The following VRK2 variants were observed in gnomAD, a reference collection of about 807,000 sequenced individuals.
The protein encoded by VRK2 is serine/threonine-protein kinase VRK2.
Under a neutral mutation model 57.6 loss-of-function variants are expected in VRK2, and 60 were observed. The observed-to-expected ratio is 1.04, with a 90% CI of 0.85 to 1.29. The LOEUF (loss-of-function observed/expected upper bound fraction) is 1.29, where lower values mean the gene tolerates loss of function less well. Among genes scored for constraint, VRK2 ranks in the 50% most tolerant of loss-of-function variants. VRK2 has a pLI of 0.00. For missense variants in VRK2, 705 were observed against 588.1 expected, an observed-to-expected ratio of 1.20 and a Z score of -2.06; for synonymous variants, 231 against 199.2, an observed-to-expected ratio of 1.16 and a Z score of -1.35.
intron 1 of VRK2, among the ~76,000 whole-genome samples, chr2:57,980,661 T>C (rs77748801): frequency 0.016 from 2,396 of 152,246 alleles, 64 homozygotes; most frequent in African/African-American, 0.055. Context: ...TATTGTGTGG[T>C]TATGTGTCTC....
At chr2:58,053,336 C>A (rs1375420490) in intron 2 of VRK2, among the ~76,000 whole-genome samples, 1 of 152,104 alleles carries the variant, frequency 6.6e-6, no homozygotes, top group Non-Finnish European at 1.5e-5. Context: ...TGTGGTGAAG[C>A]CTGAAAATCA....
chr2:58,099,149 TATATC>T (rs1673583377), intron 7 of VRK2, among the ~76,000 whole-genome samples: 1 of 152,082 alleles, frequency 6.6e-6, no homozygotes, highest in Non-Finnish European at 1.5e-5. Flanking sequence ...CCCACTTGCC[TATATC>T]TCCCAGTGTC....
At chr2:57,922,125 T>C (rs1479480429) in intron 1 of VRK2, among the ~76,000 whole-genome samples, 1 of 152,002 alleles carries the variant, frequency 6.6e-6, no homozygotes, top group Non-Finnish European at 1.5e-5. Flanking sequence ...TTGAGGGGAT[T>C]TAGATAAGTT....
intron 1 of VRK2, among the ~76,000 whole-genome samples, chr2:57,913,776 T>C (rs905251219): frequency 6.6e-6 from 1 of 152,136 alleles, no homozygotes; most frequent in Non-Finnish European, 1.5e-5. Flanking sequence ...GGATACCAAA[T>C]TGGATTTTTT....
intron 1 of VRK2, among the ~76,000 whole-genome samples, chr2:58,007,136 T>A (rs1253957721): frequency 1.3e-5 from 2 of 151,980 alleles, no homozygotes; most frequent in Non-Finnish European, 2.9e-5. Flanking sequence ...CTGCATCTTC[T>A]GTTTGCTAAA....
At chr2:58,066,592 G>C (rs559846061) in intron 2 of VRK2, among the ~76,000 whole-genome samples, 1 of 152,186 alleles carries the variant, frequency 6.6e-6, no homozygotes, top group South Asian at 2.1e-4. Context: ...CTCATAAAAT[G>C]AGTTCTGAAG....
Position 57,988,894 on chromosome 2 carries a change from C to A in VRK2, c.-438-36771C>A, listed in dbSNP as rs1672679231. Among the ~76,000 whole-genome samples, 5 of 152,136 alleles carry A rather than the reference C, an allele frequency of 3.3e-5. 1 individual carries two copies. In the South Asian group the frequency reaches 1.0e-3, roughly 32 times the overall value. The stretch of plus-strand genomic sequence containing the variant: ...ATATGTATTATATTTCTCTGGAGAA[C>A]CCTGATTAATACAAACCCCATATTT... On this transcript the variant is annotated intron_variant, in intron 1 of 15. Transcript: ENST00000417641.
intron 1 of VRK2, among the ~76,000 whole-genome samples, chr2:58,014,552 C>G (rs55723561): frequency 0.22 from 34,155 of 152,084 alleles, 6,677 homozygotes; most frequent in African/African-American, 0.54. Context: ...GTTACCACTT[C>G]TGTTGAATAA....
chr2:58,146,346 G>A lies in VRK2; in HGVS notation c.1054G>A (p.Val352Ile). 1 of 1,610,764 alleles carries A rather than the reference G, an allele frequency of 6.2e-7. No homozygotes were observed. Among genetic ancestry groups the A allele is most frequent in the Non-Finnish European group, 8.5e-7 (1 of 1,177,848 alleles). Residue 352 changes from valine (V) to isoleucine (I), a missense_variant, in exon 12 of 13, where the codon GTC (valine) becomes ATC (isoleucine). By Grantham distance (29) the Val-to-Ile change is conservative. Transcript: ENST00000340157. ...TTCACAAAAGGCTGCAACAAAGCAA[G>A]TCAACAAGGCACACAATAGGTTAAT... The part of the protein sequence containing the change: ...VDSQKAATKQ[V>I]NKAHNRLIEK...
intron 8 of VRK2, 101 bp downstream of exon 8, chr2:58,123,334 G>C (rs1252545683): frequency 7.2e-7 from 1 of 1,393,280 alleles, no homozygotes; most frequent in East Asian, 2.6e-5. Flanking sequence ...TCAGTTTGAA[G>C]CATAAGAGCA....
At chr2:58,114,984 G>A (rs1676205675) in intron 7 of VRK2, among the ~76,000 whole-genome samples, 1 of 152,188 alleles carries the variant, frequency 6.6e-6, no homozygotes, top group African/African-American at 2.4e-5. Context: ...TGTAGGGAAG[G>A]GAGGGGGCCT....
At chr2:58,060,899 A>C (rs1254501344) in intron 2 of VRK2, among the ~76,000 whole-genome samples, 1 of 151,910 alleles carries the variant, frequency 6.6e-6, no homozygotes, top group East Asian at 1.9e-4. Context: ...TGTATGGCCA[A>C]ATTGAATGTC....
intron 2 of VRK2, among the ~76,000 whole-genome samples, chr2:58,083,511 C>T (rs1482267974): frequency 6.6e-6 from 1 of 151,644 alleles, no homozygotes; most frequent in East Asian, 1.9e-4. Flanking sequence ...GATATGTATT[C>T]TTTAATGTAA....
chr2:58,043,997 G>C (rs927304836), upstream of VRK2, among the ~76,000 whole-genome samples: 1 of 152,174 alleles, frequency 6.6e-6, no homozygotes, highest in Non-Finnish European at 1.5e-5. Context: ...CACATTTAAA[G>C]ATTATATAGA....
At chr2:58,048,564 G>A (rs1016257017) in intron 1 of VRK2, 37 of 1,401,592 alleles carry the variant, frequency 2.6e-5, no homozygotes, top group Admixed American at 4.3e-5. Context: ...ATAGAACCCC[G>A]AAATGAATTT....
chr2:58,137,056 TATATATC>T (rs1185504542), intron 10 of VRK2, among the ~76,000 whole-genome samples: 133 of 124,876 alleles, frequency 1.1e-3, no homozygotes, highest in African/African-American at 3.8e-3. Flanking sequence ...TATATATGTG[TATATATC>T]ATATATCATA....
chr2:58,088,349 T>C lies in VRK2; in HGVS notation c.353T>C (p.Phe118Ser). Residue 118 changes from phenylalanine (F) to serine (S), a missense_variant, in exon 6 of 13, where the codon TTT (phenylalanine) becomes TCT (serine). By Grantham distance (155) the Phe-to-Ser change is radical (BLOSUM62 -2). Transcript: ENST00000340157. The stretch of plus-strand genomic sequence containing the variant: ...ATGCTTTTTTCTTACAGTTACAGAT[T>C]TATGGTAATGGAAAGACTAGGAATA... ...LTEFKGRSYR[F>S]MVMERLGIDL... The C allele has an allele frequency of 6.2e-7, 1 of 1,606,760 alleles. No individual in the cohort carries two copies. Among genetic ancestry groups the C allele is most frequent in the Non-Finnish European group, 8.5e-7 (1 of 1,175,504 alleles).
At chr2:57,970,900 T>C (rs1672075731) in intron 1 of VRK2, among the ~76,000 whole-genome samples, 1 of 152,008 alleles carries the variant, frequency 6.6e-6, no homozygotes. Context: ...GACTCTTAAT[T>C]GATAGGATTT....
At chr2:57,959,327 C>A (rs1290849364) in intron 1 of VRK2, among the ~76,000 whole-genome samples, 5 of 152,166 alleles carry the variant, frequency 3.3e-5, no homozygotes, top group Admixed American at 1.3e-4. Context: ...CACTGTGAAT[C>A]GAACAATAAT....
Sources: allele counts gnomAD v4.1 joint callset (sites outside exome capture counted in the v4.1 genomes callset), GRCh38; gene constraint gnomAD v4.1.1; transcripts MANE v1.5; gene names NCBI Gene and HGNC (gene_info 2026-07-23, HGNC 2026-07-21).